ACE: variants seen among roughly 807,000 people sequenced by gnomAD.
The protein encoded by ACE is angiotensin I converting enzyme, also known as angiotensin-converting enzyme.
Under a neutral mutation model 162.3 loss-of-function variants are expected in ACE, and 122 were observed. That is an observed-to-expected ratio of 0.75 (90% CI 0.65 to 0.87). The LOEUF (loss-of-function observed/expected upper bound fraction) is 0.87, where lower values mean the gene tolerates loss of function less well. Ranked by LOEUF, ACE falls within the 40% of genes least tolerant of loss-of-function variation. The pLI, the probability that ACE is intolerant of heterozygous loss-of-function variation, is 0.00. For missense variants in ACE, 1,799 were observed against 1,735.1 expected, an observed-to-expected ratio of 1.04 and a Z score of -0.65; for synonymous variants, 796 against 720.6, an observed-to-expected ratio of 1.10 and a Z score of -1.68.
chr17:63,480,243 C>T, intron 4 of ACE, 94 bp from the exon 5 acceptor site: 7 of 1,371,128 alleles, frequency 5.1e-6, no homozygotes, highest in East Asian at 2.4e-5. Context: ...TGCAGATCCA[C>T]GGGCCTCGAG....
In ACE at chr17:63,480,323, C is replaced by A; in HGVS notation, c.656-14C>A. ...CTTTGGCCTGAGCTACATACCTCAC[C>A]CCCACGCCCCCAGGCTTCACAGACA... On this transcript the variant is annotated splice_polypyrimidine_tract_variant and intron_variant, in intron 4 of 24. Coordinates refer to ENST00000290866, the MANE Select transcript of ACE (RefSeq NM_000789.4). 1 of 1,613,356 alleles carries A rather than the reference C, an allele frequency of 6.2e-7. No individual in the cohort carries two copies. The highest frequency in any genetic ancestry group is 1.1e-5 in the South Asian group (1 of 91,072).
chr17:63,483,568 C>CGGGGGCGG lies in ACE; in HGVS notation c.1586+10_1586+11insGGGGGCGG. 1 of 1,585,842 alleles carries CGGGGGCGG rather than the reference C, an allele frequency of 6.3e-7. No individual in the cohort carries two copies. Among genetic ancestry groups the CGGGGGCGG allele is most frequent in the Non-Finnish European group, 8.6e-7 (1 of 1,159,948 alleles). ...TGACACCATACATCAGGTATTAGCGCCCCCACCCCACCCACCCCCAGTACT... is the reference window on the plus strand; with the variant it reads ...TGACACCATACATCAGGTATTAGCGCGGGGGCGGCCCCACCCCACCCACCCCCAGTACT... On this transcript the variant is annotated intron_variant, in intron 10 of 24. Coordinates refer to ENST00000290866, the MANE Select transcript of ACE (RefSeq NM_000789.4).
In ACE at chr17:63,497,215, TG is replaced by T; in HGVS notation, c.3773del (p.Gly1258AlafsTer14). 6.3e-7 allele frequency: 1 copy of T among 1,597,638 alleles called. No homozygotes were observed. The highest frequency in any genetic ancestry group is 1.1e-5 in the South Asian group (1 of 89,104). ...GLDLDAQQARVGQWLLLFLGI... is the reference protein window; with the variant it reads ...GLDLDAQQARXGQWLLLFLGI... ...GACCTGGATGCGCAGCAGGCCCGCG[TG>T]GGCCAGTGGCTGCTGCTCTTCCTGG... On this transcript the variant is annotated frameshift_variant, in exon 25 of 25. Transcript: ENST00000290866. LOFTEE classifies it high-confidence loss of function.
rs9896551 is a variant in ACE at position 63,477,821 on chromosome 17, G to T, written c.250-110G>T. On this transcript the variant is annotated intron_variant, in intron 1 of 24. Coordinates refer to ENST00000290866, the MANE Select transcript of ACE (RefSeq NM_000789.4). ...CCGCAGGGATCTCCCCAGGGCCCGGGCTCTGGAAGCCCTTGGCCTTCCTCC... is the reference window on the plus strand; with the variant it reads ...CCGCAGGGATCTCCCCAGGGCCCGGTCTCTGGAAGCCCTTGGCCTTCCTCC... 2,319 of 1,385,032 alleles carry T rather than the reference G, an allele frequency of 1.7e-3. 39 individuals are homozygous for T. In the African/African-American group the frequency reaches 0.029, roughly 17 times the overall value. 85.8% of individuals were successfully genotyped at this position (1,385,032 alleles called of 1,614,324 possible). A position where few individuals can be genotyped will look rare whatever the true frequency, so the allele number is the denominator to read the frequency against.
In ACE at chr17:63,491,445, A is replaced by T; in HGVS notation, c.2912+64A>T. ...CACGGGCAAGGGAAATGAACCAAGC[A>T]AAGGGTCCACTACTGTCCCCCAGCT... On this transcript the variant is annotated intron_variant, in intron 19 of 24. Coordinates refer to ENST00000290866, the MANE Select transcript of ACE (RefSeq NM_000789.4). The surrounding 1 kb of genome is among the most constrained non-coding windows in gnomAD (Gnocchi z 4.4). 1 of 1,604,024 alleles carries T rather than the reference A, an allele frequency of 6.2e-7. No individual in the cohort carries two copies.
At position 63,488,971 on chromosome 17, in the gene ACE, C is replaced by T. The variant is rs200757344; in HGVS notation, c.2480C>T (p.Ser827Phe). 2 of 1,614,042 alleles carry T rather than the reference C, an allele frequency of 1.2e-6. No individual in the cohort carries two copies. The highest frequency in any genetic ancestry group is 2.7e-5 in the African/African-American group (2 of 74,926). Residue 827 changes from serine (S) to phenylalanine (F), a missense_variant, in exon 17 of 25, where the codon TCT becomes TTT. Coordinates refer to ENST00000290866, the MANE Select transcript of ACE (RefSeq NM_000789.4). ...GYVDAGDSWR[S>F]MYETPSLEQD... ...GTAGATGCAGGGGACTCGTGGAGGT[C>T]TATGTACGAGACACCATCCCTGGAG...
Position 63,477,138 on chromosome 17 carries a change from CG to C in ACE, c.45del (p.Leu16CysfsTer129), listed in dbSNP as rs1568034804. 7.0e-7 allele frequency: 1 copy of C among 1,430,778 alleles called. No homozygotes were observed. The highest frequency in any genetic ancestry group is 9.2e-7 in the Non-Finnish European group (1 of 1,091,666). 88.6% of individuals were successfully genotyped at this position (1,430,778 alleles called of 1,614,324 possible). A position where few individuals can be genotyped will look rare whatever the true frequency, so the allele number is the denominator to read the frequency against. On this transcript the variant is annotated frameshift_variant, in exon 1 of 25. Coordinates refer to ENST00000290866, the MANE Select transcript of ACE (RefSeq NM_000789.4). LOFTEE classifies it high-confidence loss of function. ...CGCCGGGGGCCGGGGCTGCTGCTGC[CG>C]CTGCCGCTGCTGTTGCTGCTGCCGC... ...SGRRGPGLLL[P>X]LPLLLLLPPQ...
At position 63,484,455 on chromosome 17, in the gene ACE, A is replaced by C. The variant is rs773255356; in HGVS notation, c.1835A>C (p.Glu612Ala). 16 of 1,611,886 alleles carry C rather than the reference A, an allele frequency of 9.9e-6. No homozygotes were observed. The highest frequency in any genetic ancestry group is 1.3e-5 in the African/African-American group (1 of 74,898). ...YFQPVTQWLQ[E>A]QNQQNGEVLG... is the part of the protein sequence containing the mutation. ...CAGCCAGTCACCCAGTGGCTGCAGG[A>C]GCAGAACCAGCAGAACGGCGAGGTC... Residue 612 changes from glutamate (E) to alanine (A), a missense_variant, in exon 12 of 25, where the codon GAG (glutamate) becomes GCG (alanine). Glu to Ala is a moderately radical substitution (Grantham distance 107, BLOSUM62 -1). Coordinates refer to ENST00000290866, the MANE Select transcript of ACE (RefSeq NM_000789.4). The surrounding 1 kb of genome is among the most constrained non-coding windows in gnomAD (Gnocchi z 4.0).
chr17:63,482,997 C>T (rs2049736875), intron 8 of ACE, 32 bp from the exon 9 acceptor site: 1 of 1,605,868 alleles, frequency 6.2e-7, no homozygotes, highest in Admixed American at 1.7e-5. Flanking sequence ...CCTCTGACCT[C>T]TTCCCTCTCC....
intron 7 of ACE, 74 bp from the exon 8 acceptor site, chr17:63,482,391 CA>C: frequency 2.9e-6 from 4 of 1,368,796 alleles, no homozygotes; most frequent in Non-Finnish European, 4.1e-6. Flanking sequence ...TTTCAGGTGC[CA>C]ATCTGCCCTG....
At position 63,485,338 on chromosome 17, in the gene ACE, A is replaced by C; in HGVS notation, c.2024A>C (p.Asn675Thr). The change falls in exon 13 of 25, where the codon AAC becomes ACC. Residue 675 changes from asparagine to threonine, a missense_variant. Transcript: ENST00000290866. ...TATGCCGAGGCCAACTGGAACTACA[A>C]CACCAACATCACCACAGAGACCAGC... ...NEYAEANWNY[N>T]TNITTETSKI... The C allele has an allele frequency of 1.2e-6, 2 of 1,613,952 alleles. No individual in the cohort carries two copies. Among genetic ancestry groups the C allele is most frequent in the Non-Finnish European group, 1.7e-6 (2 of 1,179,996 alleles).
In ACE at chr17:63,481,688, AGTG is replaced by A. The variant is rs770842341; in HGVS notation, c.1072_1074del (p.Val358del). ...TGGAGAAGCCGGCCGACGGGCGGGA[AGTG>A]GTGTGCCACGCCTCGGCTTGGGACT... On this transcript the variant is annotated inframe_deletion, in exon 7 of 25. Coordinates refer to ENST00000290866, the MANE Select transcript of ACE (RefSeq NM_000789.4). 8 of 1,614,044 alleles carry A rather than the reference AGTG, an allele frequency of 5.0e-6. No individual in the cohort carries two copies. Among genetic ancestry groups the A allele is most frequent in the Non-Finnish European group, 6.8e-6 (8 of 1,180,020 alleles).
Position 63,489,242 on chromosome 17 carries a change from C to T in ACE, c.2641+110C>T, listed in dbSNP as rs62075042. The T allele has an allele frequency of 9.5e-3, 12,905 of 1,361,762 alleles. 150 individuals carry two copies. The highest frequency in any genetic ancestry group is 0.058 in the Admixed American group (2,906 of 49,864). 84.4% of individuals were successfully genotyped at this position (1,361,762 alleles called of 1,614,324 possible). On this transcript the variant is annotated intron_variant, in intron 17 of 24. Transcript: ENST00000290866. ...GGAGCAGGCTGGGGACTGAGAGACT[C>T]CAGCCCTGTGGGGGATGGTTGCCCA...
Position 63,497,805 on chromosome 17 carries a change from C to T in ACE, c.*439C>T. 2 of 353,426 alleles carry T rather than the reference C, an allele frequency of 5.7e-6. No homozygotes were observed. Among genetic ancestry groups the T allele is most frequent in the Non-Finnish European group, 1.1e-5 (2 of 182,960 alleles). The allele number at this position is 353,426 out of a possible 1,614,324, so 21.9% of individuals were successfully genotyped here. A position where few individuals can be genotyped will look rare whatever the true frequency, so the allele number is the denominator to read the frequency against. On this transcript the variant is annotated 3_prime_UTR_variant, in exon 25 of 25. Coordinates refer to ENST00000290866, the MANE Select transcript of ACE (RefSeq NM_000789.4). The stretch of plus-strand genomic sequence containing the variant: ...GCGCCTGTCTTCCCTCCAGCCCAGG[C>T]AGCCCGCCACTGTCCTGCCACCGCA...
chr17:63,483,590 T>TA lies in ACE; in HGVS notation c.1586+33dup, dbSNP rs200643044. 1,644 of 950,970 alleles carry TA rather than the reference T, an allele frequency of 1.7e-3. 25 individuals are homozygous for TA. In the Admixed American group the frequency reaches 0.039, roughly 23 times the overall value. The allele number at this position is 950,970 out of a possible 1,614,324, so 58.9% of individuals were successfully genotyped here. On this transcript the variant is annotated intron_variant, in intron 10 of 24. Transcript: ENST00000290866. ...GCGCCCCCACCCCACCCACCCCCAG[T>TA]ACTGTCACACCCTCAATCCACTTCT...
chr17:63,482,570 T>C lies in ACE; in HGVS notation c.1223T>C (p.Leu408Pro), dbSNP rs2049728056. The change falls in exon 8 of 25, where the codon CTG (leucine) becomes CCG (proline). Residue 408 changes from leucine to proline, a missense_variant. Transcript: ENST00000290866. The part of the protein sequence containing the change: ...YLQYKDLPVS[L>P]RRGANPGFHE... Reference sequence around the variant, plus strand: ...CAGTACAAGGATCTGCCCGTCTCCCTGCGTCGGGGGGCCAACCCCGGCTTC... The same window carrying C: ...CAGTACAAGGATCTGCCCGTCTCCCCGCGTCGGGGGGCCAACCCCGGCTTC... 6.2e-7 allele frequency: 1 copy of C among 1,614,130 alleles called. No individual in the cohort carries two copies. Among genetic ancestry groups the C allele is most frequent in the South Asian group, 1.1e-5 (1 of 91,086 alleles).
chr17:63,485,005 A>T (rs2029867014), intron 12 of ACE: 2 of 1,611,036 alleles, frequency 1.2e-6, no homozygotes, highest in Non-Finnish European at 8.5e-7. Context: ...GCCAGGCAAC[A>T]ACCAGCAGCC....
At chr17:63,483,812 C>A (rs201794536) in intron 10 of ACE, 37 bp from the exon 11 acceptor site, 141 of 1,613,440 alleles carry the variant, frequency 8.7e-5, no homozygotes, top group Non-Finnish European at 1.2e-4. Flanking sequence ...TTCCTGGCCC[C>A]CCATGATCTT....
chr17:63,487,908 A>G (rs2030075607), intron 15 of ACE, among the ~76,000 whole-genome samples: 1 of 152,224 alleles, frequency 6.6e-6, no homozygotes, highest in South Asian at 2.1e-4. Flanking sequence ...GGTTTGGCCT[A>G]CAAGTTGTGG....
Sources: gnomAD v4.1 joint callset for allele counts (sites outside exome capture counted in the v4.1 genomes callset) on GRCh38, gnomAD v4.1.1 for gene constraint, Gnocchi (gnomAD v3.1) non-coding constraint, MANE v1.5 for transcripts, NCBI Gene and HGNC (gene_info 2026-07-23, HGNC 2026-07-21) for gene names.